The following SMAD9 variants were observed in gnomAD, a reference collection of about 807,000 sequenced individuals.
The protein encoded by SMAD9 is MAD homolog 9.
A neutral mutation model predicts 46.1 loss-of-function variants in SMAD9; 36 were observed. That is an observed-to-expected ratio of 0.78 (90% CI 0.60 to 1.03). SMAD9 has a LOEUF of 1.03. SMAD9 is among the 50% of genes least tolerant of loss of function. SMAD9 has a pLI of 0.00. For missense variants in SMAD9, 572 were observed against 599.8 expected (o/e 0.95, Z 0.48); for synonymous variants, 245 against 237.1 (o/e 1.03, Z -0.31).
intron 1 of SMAD9, 78 bp from the exon 2 acceptor site, chr13:36,879,953 A>G: frequency 2.6e-6 from 1 of 386,506 alleles, no homozygotes. Flanking sequence ...AGAAAGAGGC[A>G]ATCTACACCT....
intron 1 of SMAD9, among the ~76,000 whole-genome samples, chr13:36,885,792 G>A (rs961687856): frequency 8.6e-5 from 13 of 151,722 alleles, no homozygotes; most frequent in African/African-American, 3.1e-4. Flanking sequence ...TTTTTCTAAG[G>A]CAACAGTCCA....
At chr13:36,902,921 A>G (rs188551534) in intron 1 of SMAD9, among the ~76,000 whole-genome samples, 36 of 152,250 alleles carry the variant, frequency 2.4e-4, no homozygotes, top group Admixed American at 2.2e-3. Flanking sequence ...TATGTGTTTG[A>G]TGTTTGCTAA....
At position 36,848,904 on chromosome 13, in the gene SMAD9, A is replaced by G. The variant is rs761222762; in HGVS notation, c.1261-85T>C. On this transcript the variant is annotated intron_variant, in intron 6 of 6. Coordinates refer to ENST00000379826, the MANE Select transcript of SMAD9 (RefSeq NM_001127217.3). Reference sequence around the variant, plus strand: ...CCAGGCAGAGCTCAGCGGGGCACAGAGCCCACACCCCAGCGTAGCTCCTGA... The same window carrying G: ...CCAGGCAGAGCTCAGCGGGGCACAGGGCCCACACCCCAGCGTAGCTCCTGA... The G allele has an allele frequency of 6.7e-5, 91 of 1,360,904 alleles. 1 individual carries two copies. The highest frequency in any genetic ancestry group is 3.0e-4 in the Admixed American group (17 of 56,848). The allele number at this position is 1,360,904 out of a possible 1,614,324, so 84.3% of individuals were successfully genotyped here. A position where few individuals can be genotyped will look rare whatever the true frequency, so the allele number is the denominator to read the frequency against.
intron 6 of SMAD9, among the ~76,000 whole-genome samples, chr13:36,850,978 C>T (rs1490359494): frequency 6.6e-6 from 1 of 152,170 alleles, no homozygotes; most frequent in East Asian, 1.9e-4. Flanking sequence ...GTACTGGATC[C>T]CTCCAGGTGG....
chr13:36,863,845 CCT>C (rs1415652762), intron 5 of SMAD9, among the ~76,000 whole-genome samples: 1 of 152,124 alleles, frequency 6.6e-6, no homozygotes, highest in Non-Finnish European at 1.5e-5. Context: ...GCCAAATAAA[CCT>C]CTTTTTTTAA....
intron 1 of SMAD9, among the ~76,000 whole-genome samples, chr13:36,885,860 C>A (rs569404284): frequency 6.6e-6 from 1 of 151,808 alleles, no homozygotes; most frequent in South Asian, 2.1e-4. Context: ...GTTAAAAAAA[C>A]AACAACACTG....
chr13:36,871,082 T>TAAA (rs2058288713), intron 3 of SMAD9, among the ~76,000 whole-genome samples: 1 of 152,142 alleles, frequency 6.6e-6, no homozygotes, highest in Non-Finnish European at 1.5e-5. Context: ...AAACCTCAGA[T>TAAA]AAGGGGGGAC....
At position 36,879,660 on chromosome 13, in the gene SMAD9, G is replaced by T. The variant is rs61751749; in HGVS notation, c.30C>A (p.Leu10=). The T allele has an allele frequency of 1.2e-6, 2 of 1,614,110 alleles. No homozygotes were observed. Among genetic ancestry groups the T allele is most frequent in the Non-Finnish European group, 1.7e-6 (2 of 1,180,058 alleles). The change falls in exon 2 of 7, where the codon CTC becomes CTA. Residue 10 remains leucine, a synonymous_variant. Transcript: ENST00000379826. MHSTTPISS[L]FSFTSPAVKR... ...TCACTGCGGGGCTGGTGAAGGAGAAGAGGGAGCTGATGGGGGTGGTGGAGT... is the reference window on the plus strand; with the variant it reads ...TCACTGCGGGGCTGGTGAAGGAGAATAGGGAGCTGATGGGGGTGGTGGAGT...
At chr13:36,867,194 T>A (rs1046432771) in intron 4 of SMAD9, 79 bp downstream of exon 4, 8 of 985,302 alleles carry the variant, frequency 8.1e-6, no homozygotes, top group Admixed American at 2.0e-5. Flanking sequence ...CTGGTTTTCT[T>A]TTTTGAGTTG....
At chr13:36,902,240 C>G (rs1050808060) in intron 1 of SMAD9, among the ~76,000 whole-genome samples, 1 of 152,090 alleles carries the variant, frequency 6.6e-6, no homozygotes, top group Non-Finnish European at 1.5e-5. Context: ...AGACATTGTT[C>G]TCCACTGAAT....
chr13:36,906,122 A>C (rs944551947), intron 1 of SMAD9, among the ~76,000 whole-genome samples: 8 of 152,196 alleles, frequency 5.3e-5, no homozygotes, highest in Non-Finnish European at 8.8e-5. Context: ...CACAAAGGCC[A>C]AATGGCCCTT....
At chr13:36,874,242 A>C (rs2058323859) in intron 2 of SMAD9, among the ~76,000 whole-genome samples, 2 of 152,258 alleles carry the variant, frequency 1.3e-5, no homozygotes, top group Admixed American at 6.5e-5. Flanking sequence ...CAGAGTGTGC[A>C]GAGCTCAATT....
intron 1 of SMAD9, among the ~76,000 whole-genome samples, chr13:36,896,109 G>GTATTTATTTATTTATT (rs57024507): frequency 1.6e-4 from 24 of 148,644 alleles, no homozygotes; most frequent in African/African-American, 5.5e-4. Flanking sequence ...ATCCTGTTGA[G>GTATTTATTTATTTATT]TATTTATTTA....
intron 1 of SMAD9, among the ~76,000 whole-genome samples, chr13:36,903,791 C>T (rs2058597385): frequency 6.6e-6 from 1 of 152,076 alleles, no homozygotes; most frequent in African/African-American, 2.4e-5. Context: ...ACAATTATCA[C>T]ACATCACTTT....
chr13:36,882,144 AAC>A lies in SMAD9; in HGVS notation c.-186-2271_-186-2270del, dbSNP rs144657160. ...AGCTTTTGCACAAACAACAAAACAAAACAGACTTTATTGCAGAGCAGCTGACG... is the reference window on the plus strand; with the variant it reads ...AGCTTTTGCACAAACAACAAAACAAAAGACTTTATTGCAGAGCAGCTGACG... On this transcript the variant is annotated intron_variant, in intron 1 of 6. Coordinates refer to ENST00000379826, the MANE Select transcript of SMAD9 (RefSeq NM_001127217.3). Among the ~76,000 whole-genome samples, 1,416 of 152,212 alleles carry A rather than the reference AAC, an allele frequency of 9.3e-3. 9 individuals carry two copies. Among genetic ancestry groups the A allele is most frequent in the Admixed American group, 0.026 (391 of 15,282 alleles).
chr13:36,895,231 C>T lies in SMAD9; in HGVS notation c.-186-15356G>A, dbSNP rs114823371. 7.3e-3 allele frequency among the ~76,000 whole-genome samples: 1,112 copies of T among 152,240 alleles called. 10 individuals carry two copies. Among genetic ancestry groups the T allele is most frequent in the African/African-American group, 0.025 (1,038 of 41,536 alleles). On this transcript the variant is annotated intron_variant, in intron 1 of 6. Coordinates refer to ENST00000379826, the MANE Select transcript of SMAD9 (RefSeq NM_001127217.3). Reference sequence around the variant, plus strand: ...CAATGATTTCCTTAACTGTAAACAACGCTGTGATGTGGATATACCTAACCT... The same window carrying T: ...CAATGATTTCCTTAACTGTAAACAATGCTGTGATGTGGATATACCTAACCT...
chr13:36,867,088 C>T (rs1286140201), intron 4 of SMAD9, among the ~76,000 whole-genome samples, 185 bp downstream of exon 4: 2 of 152,134 alleles, frequency 1.3e-5, no homozygotes, highest in African/African-American at 4.8e-5. Flanking sequence ...ATAAACAAAA[C>T]ATTAATTCTA....
At chr13:36,851,679 G>A in intron 6 of SMAD9, 3 of 916,268 alleles carry the variant, frequency 3.3e-6, no homozygotes, top group Non-Finnish European at 3.9e-6. Context: ...ACCTTAAAGA[G>A]ATCTGATCCA....
At chr13:36,858,235 C>T (rs116777403) in intron 5 of SMAD9, among the ~76,000 whole-genome samples, 2,700 of 152,130 alleles carry the variant, frequency 0.018, 78 homozygotes, top group African/African-American at 0.061. Context: ...TATAAAAATA[C>T]ATTTTTCCAG....
Sources: gnomAD v4.1 joint callset for allele counts (sites outside exome capture counted in the v4.1 genomes callset) on GRCh38, gnomAD v4.1.1 for gene constraint, MANE v1.5 for transcripts, NCBI Gene and HGNC (gene_info 2026-07-23, HGNC 2026-07-21) for gene names.